The following CEP83 variants were observed in gnomAD, a reference collection of about 807,000 sequenced individuals.
CEP83 encodes centrosomal protein 83.
In CEP83, 70 loss-of-function variants were observed where a neutral mutation model predicts 101.9. The ratio of observed to expected loss-of-function variants is 0.69; its 90% CI spans 0.57 to 0.84. The LOEUF (loss-of-function observed/expected upper bound fraction) is 0.84, where lower values mean the gene tolerates loss of function less well. Ranked by LOEUF, CEP83 falls within the 40% of genes least tolerant of loss-of-function variation. The pLI, the probability that CEP83 is intolerant of heterozygous loss-of-function variation, is 0.00. For synonymous variants in CEP83, 264 were observed against 267.9 expected (o/e 0.99, Z 0.14); for missense variants, 715 against 787.2 (o/e 0.91, Z 1.10).
intron 4 of CEP83, among the ~76,000 whole-genome samples, chr12:94,408,819 TCA>T (rs1044435037): frequency 3.9e-5 from 6 of 152,044 alleles, no homozygotes; most frequent in African/African-American, 1.4e-4. Context: ...ACTCCTAGCC[TCA>T]AGTGATCCTC....
chr12:94,310,794 A>G lies in CEP83; in HGVS notation c.1812-687T>C, dbSNP rs76496082. 4.1e-3 allele frequency among the ~76,000 whole-genome samples: 632 copies of G among 152,364 alleles called. 8 individuals carry two copies. Among genetic ancestry groups the G allele is most frequent in the African/African-American group, 0.015 (616 of 41,578 alleles). ...AATATGGTCAAATATAGAGATTTTC[A>G]TAGTTCAATCTAATTTTCAAAATGT... is the stretch of plus-strand genomic sequence containing the variant. On this transcript the variant is annotated intron_variant, in intron 15 of 16. Transcript: ENST00000397809.
Position 94,358,114 on chromosome 12 carries a change from G to A in CEP83, c.1343+9680C>T, listed in dbSNP as rs937348310. Among the ~76,000 whole-genome samples, 6 of 152,184 alleles carry A rather than the reference G, an allele frequency of 3.9e-5. 1 individual carries two copies. Among genetic ancestry groups the A allele is most frequent in the African/African-American group, 1.4e-4 (6 of 41,440 alleles). On this transcript the variant is annotated intron_variant, in intron 11 of 16. Coordinates refer to ENST00000397809, the MANE Select transcript of CEP83 (RefSeq NM_016122.3). ...AATTCAACCTGCTCAATTTAACATA[G>A]TTGAAGTTGGTAAAGTCACTGAAGT...
the CEP83 span, among the ~76,000 whole-genome samples, chr12:94,296,775 TATA>T: frequency 6.6e-6 from 1 of 152,226 alleles, no homozygotes; most frequent in South Asian, 2.1e-4. Context: ...TTATCACAGT[TATA>T]ATAATTGTGT....
At chr12:94,442,924 G>A (rs953553812) in intron 1 of CEP83, among the ~76,000 whole-genome samples, 5 of 152,094 alleles carry the variant, frequency 3.3e-5, no homozygotes, top group Non-Finnish European at 7.3e-5. Flanking sequence ...ACACTCCAGT[G>A]CCGAATCTTA....
At chr12:94,351,167 G>A (rs2060180057) in intron 11 of CEP83, among the ~76,000 whole-genome samples, 1 of 152,172 alleles carries the variant, frequency 6.6e-6, no homozygotes, top group Non-Finnish European at 1.5e-5. Context: ...TCAGAACCAA[G>A]AGAGACTCCC....
chr12:94,334,115 T>C (rs960723580), intron 12 of CEP83, among the ~76,000 whole-genome samples: 1 of 152,186 alleles, frequency 6.6e-6, no homozygotes, highest in Non-Finnish European at 1.5e-5. Context: ...CCAGAAGTTC[T>C]ACTCTCCGAG....
intron 2 of CEP83, chr12:94,424,220 G>A (rs2065008523): frequency 1.2e-6 from 2 of 1,612,284 alleles, no homozygotes; most frequent in Non-Finnish European, 8.5e-7. Flanking sequence ...GGGGTCATAG[G>A]TCAAGGCCAT....
the CEP83 span, chr12:94,281,957 C>G: frequency 3.6e-6 from 1 of 275,154 alleles, no homozygotes; most frequent in Admixed American, 5.1e-5. Context: ...TATCATGCCT[C>G]TCTTTGTGAA....
the CEP83 span, among the ~76,000 whole-genome samples, chr12:94,281,473 A>G: frequency 1.3e-4 from 20 of 152,308 alleles, no homozygotes; most frequent in African/African-American, 4.3e-4. Context: ...CCAAGGGGAC[A>G]GTGCCATTTG....
chr12:94,429,596 G>A (rs1168869399), intron 2 of CEP83, among the ~76,000 whole-genome samples: 1 of 152,080 alleles, frequency 6.6e-6, no homozygotes, highest in Non-Finnish European at 1.5e-5. Flanking sequence ...CTGATGCTGG[G>A]GCCAAAGTGC....
chr12:94,377,816 G>A (rs771776058), intron 7 of CEP83, among the ~76,000 whole-genome samples: 6 of 152,120 alleles, frequency 3.9e-5, no homozygotes, highest in Non-Finnish European at 7.4e-5. Context: ...AATACATTAA[G>A]GATGGAAGGA....
At chr12:94,353,791 T>C (rs903999622) in intron 11 of CEP83, among the ~76,000 whole-genome samples, 27 of 150,490 alleles carry the variant, frequency 1.8e-4, no homozygotes, top group Non-Finnish European at 3.7e-4. Flanking sequence ...GCAACTTACT[T>C]ATATCAGATA....
At chr12:94,283,592 G>A in the CEP83 span, among the ~76,000 whole-genome samples, 7 of 152,210 alleles carry the variant, frequency 4.6e-5, no homozygotes, top group Non-Finnish European at 1.0e-4. Flanking sequence ...CTCCCTGAGC[G>A]TTCAGGGATG....
chr12:94,434,197 G>A (rs553197104), intron 2 of CEP83: 1 of 152,006 alleles, frequency 6.6e-6, no homozygotes, highest in Non-Finnish European at 1.5e-5. Context: ...ATATGTTTGT[G>A]CAAAAATATG....
intron 2 of CEP83, among the ~76,000 whole-genome samples, chr12:94,423,443 C>A (rs1459101994): frequency 1.4e-5 from 2 of 142,828 alleles, no homozygotes; most frequent in African/African-American, 5.2e-5. Flanking sequence ...CTGCACCAGA[C>A]CAATCTGGTT....
At chr12:94,391,157 C>A (rs997104013) in intron 6 of CEP83, among the ~76,000 whole-genome samples, 1 of 152,100 alleles carries the variant, frequency 6.6e-6, no homozygotes, top group Admixed American at 6.5e-5. Flanking sequence ...AGAAGAGCAA[C>A]TCCAAGACAC....
intron 2 of CEP83, among the ~76,000 whole-genome samples, chr12:94,427,488 C>T (rs2065290859): frequency 6.6e-6 from 1 of 152,204 alleles, no homozygotes; most frequent in African/African-American, 2.4e-5. Context: ...CCTACCACTT[C>T]TTTTGACTAG....
chr12:94,438,596 A>T (rs2066171248), intron 1 of CEP83, among the ~76,000 whole-genome samples: 1 of 152,202 alleles, frequency 6.6e-6, no homozygotes, highest in Non-Finnish European at 1.5e-5. Context: ...CAAAACAGTG[A>T]GAGACTTCAA....
intron 7 of CEP83, among the ~76,000 whole-genome samples, 162 bp downstream of exon 7, chr12:94,378,629 A>G (rs1041349106): frequency 5.3e-5 from 8 of 152,208 alleles, no homozygotes; most frequent in African/African-American, 1.9e-4. Context: ...CTTATGAATC[A>G]ATAGCTTTCT....
Sources: gnomAD v4.1 joint callset for allele counts (sites outside exome capture counted in the v4.1 genomes callset) on GRCh38, gnomAD v4.1.1 for gene constraint, MANE v1.5 for transcripts, NCBI Gene and HGNC (gene_info 2026-07-23, HGNC 2026-07-21) for gene names.